SATB1: variants seen among roughly 807,000 people sequenced by gnomAD.
SATB1 encodes SATB homeobox 1.
Under a neutral mutation model 86.9 loss-of-function variants are expected in SATB1, and 11 were observed. That is an observed-to-expected ratio of 0.13 (90% CI 0.08 to 0.21). The LOEUF is 0.21. Ranked by LOEUF, SATB1 falls within the 10% of genes least tolerant of loss-of-function variation. The pLI, the probability that SATB1 is intolerant of heterozygous loss-of-function variation, is 1.00. For missense variants in SATB1, 551 were observed against 937.6 expected (o/e 0.59, Z 5.39); for synonymous variants, 357 against 357.2 (o/e 1.00, Z 0.01).
chr3:18,439,275 G>A (rs955557161), upstream of SATB1, among the ~76,000 whole-genome samples: 5 of 152,122 alleles, frequency 3.3e-5, no homozygotes, highest in Non-Finnish European at 5.9e-5. Flanking sequence ...TTTCGCTTCT[G>A]AACTTTCAAA....
intron 9 of SATB1, among the ~76,000 whole-genome samples, chr3:18,366,917 T>C (rs1051257423): frequency 3.9e-5 from 6 of 152,200 alleles, no homozygotes; most frequent in African/African-American, 1.4e-4. Flanking sequence ...TACCTTTTGT[T>C]TCCCAGACTA....
Position 18,359,675 on chromosome 3 carries a change from C to T in SATB1, c.1576-7480G>A, listed in dbSNP as rs1007937308. 4.3e-4 allele frequency among the ~76,000 whole-genome samples: 65 copies of T among 151,566 alleles called. 1 individual carries two copies. Among genetic ancestry groups the T allele is most frequent in the African/African-American group, 1.5e-3 (62 of 41,382 alleles). On this transcript the variant is annotated intron_variant, in intron 9 of 10. Coordinates refer to ENST00000338745, the MANE Select transcript of SATB1 (RefSeq NM_002971.6). ...AAAAAAATGTTCCCGTTTTTTTTCTCGTCAGCCTAAGATATATTTTTGACA... is the reference window on the plus strand; with the variant it reads ...AAAAAAATGTTCCCGTTTTTTTTCTTGTCAGCCTAAGATATATTTTTGACA...
At position 18,378,341 on chromosome 3, in the gene SATB1, A is replaced by G; in HGVS notation, c.1420-16T>C. On this transcript the variant is annotated splice_polypyrimidine_tract_variant and intron_variant, in intron 8 of 10. Coordinates refer to ENST00000338745, the MANE Select transcript of SATB1 (RefSeq NM_002971.6). ...CTGTTTTCACCTACAAAACATTTTG[A>G]ACATGGCTGTCATTTTTCATTGGCT... 1 of 1,609,540 alleles carries G rather than the reference A, an allele frequency of 6.2e-7. No individual in the cohort carries two copies. Among genetic ancestry groups the G allele is most frequent in the Non-Finnish European group, 8.5e-7 (1 of 1,178,484 alleles).
chr3:18,415,971 A>C, intron 4 of SATB1, 36 bp downstream of exon 4: 1 of 1,533,118 alleles, frequency 6.5e-7, no homozygotes, highest in South Asian at 1.3e-5. Flanking sequence ...CCAGGTAAGA[A>C]GAATGTTTCA....
intron 10 of SATB1, chr3:18,350,131 G>C (rs1694278717): frequency 6.1e-6 from 1 of 164,826 alleles, no homozygotes. Context: ...TTTGTGTTCT[G>C]CTCCGTTTCA....
At chr3:18,406,215 C>T (rs1258928010) in intron 5 of SATB1, among the ~76,000 whole-genome samples, 1 of 151,968 alleles carries the variant, frequency 6.6e-6, no homozygotes, top group African/African-American at 2.4e-5. Flanking sequence ...GACCTGTATA[C>T]AGCTGACTTT....
At chr3:18,350,406 T>C (rs1694291149) in intron 10 of SATB1, 1 of 152,268 alleles carries the variant, frequency 6.6e-6, no homozygotes, top group Non-Finnish European at 1.5e-5. Flanking sequence ...TTAAATTTAG[T>C]GTATACAGAC....
At chr3:18,429,297 G>A (rs914121387), upstream of SATB1, among the ~76,000 whole-genome samples, 1 of 152,234 alleles carries the variant, frequency 6.6e-6, no homozygotes, top group African/African-American at 2.4e-5. This position sits in a 1 kb window ranked among gnomAD's most constrained non-coding sequence, Gnocchi z 4.1. Flanking sequence ...CAATTTGAAA[G>A]AGCAGGGAGG....
chr3:18,422,173 A>C (rs1178030396), intron 1 of SATB1, among the ~76,000 whole-genome samples: 2 of 152,182 alleles, frequency 1.3e-5, no homozygotes, highest in African/African-American at 2.4e-5. Flanking sequence ...ACCAGAGAGA[A>C]TAATTACCAT....
At chr3:18,351,882 C>G in intron 10 of SATB1, 110 bp downstream of exon 10, 2 of 998,448 alleles carry the variant, frequency 2.0e-6, no homozygotes, top group Non-Finnish European at 3.1e-6. Flanking sequence ...TTATCTCTTG[C>G]TAAAAAGCCT....
At chr3:18,366,633 G>A (rs774083222) in intron 9 of SATB1, among the ~76,000 whole-genome samples, 4 of 152,056 alleles carry the variant, frequency 2.6e-5, no homozygotes, top group Non-Finnish European at 2.9e-5. Context: ...AATGGAATTC[G>A]GCTCATCTCA....
chr3:18,420,620 T>C (rs1698332264), intron 2 of SATB1, 137 bp downstream of exon 2: 1 of 706,094 alleles, frequency 1.4e-6, no homozygotes, highest in Non-Finnish European at 2.5e-6. Flanking sequence ...GGACCCAGAA[T>C]GTAACTAATG....
At chr3:18,414,312 T>G (rs1441169460) in intron 5 of SATB1, among the ~76,000 whole-genome samples, 3 of 152,204 alleles carry the variant, frequency 2.0e-5, no homozygotes, top group Non-Finnish European at 4.4e-5. Context: ...ATCCTTTTTA[T>G]TTTTTATTTG....
At chr3:18,418,345 C>T (rs1231383276) in intron 2 of SATB1, among the ~76,000 whole-genome samples, 1 of 152,116 alleles carries the variant, frequency 6.6e-6, no homozygotes, top group East Asian at 1.9e-4. Context: ...TGAACAAAAG[C>T]CGGCAATAAA....
chr3:18,370,515 CAAAAAAA>C (rs11391230), intron 9 of SATB1, among the ~76,000 whole-genome samples: 402 of 49,466 alleles, frequency 8.1e-3, no homozygotes, highest in African/African-American at 0.035. Flanking sequence ...CTGAGAGAGG[CAAAAAAA>C]AAAAAAAAAA....
chr3:18,349,828 G>A lies in SATB1; in HGVS notation c.1780-146C>T, dbSNP rs187871988. ...ATTTAGAAAGAAAAGGTAGGCCGGC[G>A]AAATGGCCGACAGCATTTACAAAAA... is the stretch of plus-strand genomic sequence containing the variant. On this transcript the variant is annotated intron_variant, in intron 10 of 10. Transcript: ENST00000338745. This position sits in a 1 kb window ranked among gnomAD's most constrained non-coding sequence, Gnocchi z 5.5. 58 of 1,361,734 alleles carry A rather than the reference G, an allele frequency of 4.3e-5. No homozygotes were observed. Among genetic ancestry groups the A allele is most frequent in the Admixed American group, 4.0e-4 (14 of 34,592 alleles). 84.4% of individuals were successfully genotyped at this position (1,361,734 alleles called of 1,614,324 possible). A position where few individuals can be genotyped will look rare whatever the true frequency, so the allele number is the denominator to read the frequency against.
upstream of SATB1, among the ~76,000 whole-genome samples, chr3:18,429,591 C>T (rs888917254): frequency 2.6e-5 from 4 of 152,192 alleles, no homozygotes; most frequent in South Asian, 4.1e-4. This position sits in a 1 kb window ranked among gnomAD's most constrained non-coding sequence, Gnocchi z 4.1. Context: ...AGAGCTGTGC[C>T]TCCTGCAGCC....
intron 2 of SATB1, chr3:18,417,285 T>C (rs1698167404): frequency 1.7e-6 from 1 of 584,280 alleles, no homozygotes; most frequent in Non-Finnish European, 3.0e-6. Context: ...AATATTTAAG[T>C]AGAATATGAA....
chr3:18,421,872 C>T (rs1698414852), intron 1 of SATB1, among the ~76,000 whole-genome samples: 2 of 150,878 alleles, frequency 1.3e-5, no homozygotes, highest in Admixed American at 1.3e-4. Context: ...AACAAAAAAC[C>T]TTGATGATAC....
Sources: allele counts gnomAD v4.1 joint callset (sites outside exome capture counted in the v4.1 genomes callset), GRCh38; gene constraint gnomAD v4.1.1; non-coding constraint Gnocchi (gnomAD v3.1); transcripts MANE v1.5; gene names NCBI Gene and HGNC (gene_info 2026-07-23, HGNC 2026-07-21).